PRDM16: variants seen among roughly 807,000 people sequenced by gnomAD.
The protein encoded by PRDM16 is PR/SET domain 16, also known as histone-lysine N-methyltransferase PRDM16.
Under a neutral mutation model 110.6 loss-of-function variants are expected in PRDM16, and 23 were observed. The ratio of observed to expected loss-of-function variants is 0.21; its 90% CI spans 0.15 to 0.29. The LOEUF is 0.29. PRDM16 is among the 10% of genes least tolerant of loss of function. The probability of loss-of-function intolerance (pLI) is 1.00; values close to 1 mark genes in which losing one functional copy is unlikely to be tolerated. For missense variants in PRDM16, 1,615 were observed against 1,794.3 expected (o/e 0.90, Z 1.81); for synonymous variants, 799 against 781.8 (o/e 1.02, Z -0.37).
chr1:3,233,100 G>A (rs1247221734), intron 2 of PRDM16, among the ~76,000 whole-genome samples: 3 of 152,308 alleles, frequency 2.0e-5, no homozygotes, highest in South Asian at 2.1e-4. Flanking sequence ...TATTTTCCCC[G>A]TGGAAAGCGA....
intron 2 of PRDM16, among the ~76,000 whole-genome samples, chr1:3,192,241 C>T (rs183588484): frequency 2.6e-5 from 4 of 152,326 alleles, no homozygotes; most frequent in East Asian, 1.9e-4. Context: ...ATCCGTGTCG[C>T]CAGCTCATCT....
intron 7 of PRDM16, 55 bp from the exon 8 acceptor site, chr1:3,405,440 C>T (rs1001899924): frequency 1.0e-5 from 15 of 1,498,584 alleles, no homozygotes; most frequent in Middle Eastern, 2.0e-4. Flanking sequence ...CAGCCAGAAC[C>T]AGGCCAAGGC....
chr1:3,131,442 G>A (rs971320619), intron 1 of PRDM16, among the ~76,000 whole-genome samples: 13 of 151,986 alleles, frequency 8.6e-5, no homozygotes, highest in Non-Finnish European at 4.4e-5. Flanking sequence ...AATGGCTTTC[G>A]CTCACATTTT....
chr1:3,358,074 G>A lies in PRDM16; in HGVS notation c.439-27078G>A, dbSNP rs531440007. Among the ~76,000 whole-genome samples the A allele has an allele frequency of 3.3e-4, 50 of 152,342 alleles. No individual in the cohort carries two copies. Among genetic ancestry groups the A allele is most frequent in the Admixed American group, 2.5e-3 (39 of 15,312 alleles). On this transcript the variant is annotated intron_variant, in intron 3 of 16. Transcript: ENST00000270722. This position sits in a 1 kb window ranked among gnomAD's most constrained non-coding sequence, Gnocchi z 4.0. ...GGAGGCTGCCCTGGCTAACGGCGGT[G>A]CCCAGTGGCCTGGCCTCACGCGTGG...
intron 1 of PRDM16, among the ~76,000 whole-genome samples, chr1:3,147,609 C>T (rs1244970256): frequency 6.6e-6 from 1 of 152,156 alleles, no homozygotes; most frequent in Non-Finnish European, 1.5e-5. Context: ...AAATCTTGAC[C>T]TTGGACTCTT....
At chr1:3,241,934 CCCT>C (rs1441273348) in intron 2 of PRDM16, among the ~76,000 whole-genome samples, 2 of 152,218 alleles carry the variant, frequency 1.3e-5, no homozygotes, top group Non-Finnish European at 2.9e-5. Context: ...CACGCTAGCC[CCCT>C]CCGAATGTGA....
intron 3 of PRDM16, among the ~76,000 whole-genome samples, chr1:3,256,984 G>C (rs1209366774): frequency 1.3e-5 from 2 of 152,258 alleles, no homozygotes; most frequent in Admixed American, 1.3e-4. Flanking sequence ...AAATAGTTTT[G>C]AATGATAATA....
Position 3,414,653 on chromosome 1 carries a change from T to C in PRDM16, c.2691+6T>C. Reference sequence around the variant, plus strand: ...CGCTGCTCTTCCACCCCCAGGTACGTCCTCAGTGCAGGTCAGGGCGCCCTG... The same window carrying C: ...CGCTGCTCTTCCACCCCCAGGTACGCCCTCAGTGCAGGTCAGGGCGCCCTG... On this transcript the variant is annotated splice_donor_region_variant and intron_variant, in intron 10 of 16. Transcript: ENST00000270722. 1 of 1,611,204 alleles carries C rather than the reference T, an allele frequency of 6.2e-7. No individual in the cohort carries two copies. Among genetic ancestry groups the C allele is most frequent in the Non-Finnish European group, 8.5e-7 (1 of 1,178,570 alleles).
rs77348166 is a variant in PRDM16, at chr1:3,420,277, T to C, written c.2939+1533T>C. Reference sequence around the variant, plus strand: ...GCTTTCCTTTTGATACCACTGGTGGTTTCTGGACTGGCTTTGATAATCAGA... The same window carrying C: ...GCTTTCCTTTTGATACCACTGGTGGCTTCTGGACTGGCTTTGATAATCAGA... On this transcript the variant is annotated intron_variant, in intron 12 of 16. Coordinates refer to ENST00000270722, the MANE Select transcript of PRDM16 (RefSeq NM_022114.4). Among the ~76,000 whole-genome samples, 152 of 152,190 alleles carry C rather than the reference T, an allele frequency of 1.0e-3. 2 individuals are homozygous for C. In the East Asian group the frequency reaches 0.029, roughly 29 times the overall value.
chr1:3,166,153 G>T (rs1159000243), intron 1 of PRDM16, among the ~76,000 whole-genome samples: 1 of 152,260 alleles, frequency 6.6e-6, no homozygotes, highest in African/African-American at 2.4e-5. Flanking sequence ...TTCATTAACT[G>T]CCAGGAAATC....
At chr1:3,272,278 G>A (rs1640473406) in intron 3 of PRDM16, among the ~76,000 whole-genome samples, 3 of 152,326 alleles carry the variant, frequency 2.0e-5, no homozygotes, top group Admixed American at 2.0e-4. Context: ...GTAGTCGGGC[G>A]CTTTAAGGCC....
At chr1:3,278,914 A>C (rs1011618266) in intron 3 of PRDM16, among the ~76,000 whole-genome samples, 7 of 152,106 alleles carry the variant, frequency 4.6e-5, no homozygotes, top group African/African-American at 1.7e-4. Context: ...GGCCTCTCCC[A>C]TCCTCCCACG....
chr1:3,166,122 T>G (rs1468919645), intron 1 of PRDM16, among the ~76,000 whole-genome samples: 1 of 152,234 alleles, frequency 6.6e-6, no homozygotes, highest in Non-Finnish European at 1.5e-5. Flanking sequence ...GAACCTCACC[T>G]TGCTTTCCGT....
At position 3,190,164 on chromosome 1, in the gene PRDM16, C is replaced by T. The variant is rs1039996266; in HGVS notation, c.387+3690C>T. 2.6e-5 allele frequency among the ~76,000 whole-genome samples: 4 copies of T among 151,956 alleles called. No individual in the cohort carries two copies. Among genetic ancestry groups the T allele is most frequent in the Non-Finnish European group, 5.9e-5 (4 of 68,002 alleles). ...CACCCACGAGCTTTGGGTTCAAGGT[C>T]GTGGGGCAGCCTTACTTCAAGGTCG... On this transcript the variant is annotated intron_variant, in intron 2 of 16. Coordinates refer to ENST00000270722, the MANE Select transcript of PRDM16 (RefSeq NM_022114.4). The surrounding 1 kb of genome is among the most constrained non-coding windows in gnomAD (Gnocchi z 5.0).
intron 2 of PRDM16, among the ~76,000 whole-genome samples, chr1:3,210,573 C>A (rs10492941): frequency 0.14 from 20,867 of 152,272 alleles, 2,284 homozygotes; most frequent in African/African-American, 0.3. Context: ...AAATATTTCC[C>A]AGACATGCTC....
intron 3 of PRDM16, among the ~76,000 whole-genome samples, chr1:3,337,165 A>G (rs1046187096): frequency 6.9e-6 from 1 of 145,318 alleles, no homozygotes; most frequent in African/African-American, 2.6e-5. Context: ...ATCTGTGTAC[A>G]TCTGTGAGTG....
chr1:3,427,326 C>T lies in PRDM16; in HGVS notation c.3284+1101C>T, dbSNP rs116508143. Among the ~76,000 whole-genome samples the T allele has an allele frequency of 2.8e-3, 429 of 152,306 alleles. 3 individuals are homozygous for T. The highest frequency in any genetic ancestry group is 4.8e-3 in the Non-Finnish European group (325 of 68,024). ...CTCCAAGAGGCCTGAGGGGGTGATC[C>T]CCTGATTCTACAGAAGGGAAAACGG... is the stretch of plus-strand genomic sequence containing the variant. On this transcript the variant is annotated intron_variant, in intron 14 of 16. Transcript: ENST00000270722.
At chr1:3,299,009 C>A (rs1557590374) in intron 3 of PRDM16, among the ~76,000 whole-genome samples, 1 of 152,256 alleles carries the variant, frequency 6.6e-6, no homozygotes, top group Non-Finnish European at 1.5e-5. Context: ...AATGGACTTC[C>A]TGGAATTTTG....
chr1:3,305,187 A>G (rs368684440), intron 3 of PRDM16, among the ~76,000 whole-genome samples: 2 of 152,230 alleles, frequency 1.3e-5, no homozygotes, highest in East Asian at 3.8e-4. Context: ...CTTTTGTTCA[A>G]GAACATTTCC....
Sources: allele counts gnomAD v4.1 joint callset (sites outside exome capture counted in the v4.1 genomes callset), GRCh38; gene constraint gnomAD v4.1.1; non-coding constraint Gnocchi (gnomAD v3.1); transcripts MANE v1.5; gene names NCBI Gene and HGNC (gene_info 2026-07-23, HGNC 2026-07-21).